The following ACTN4 variants were observed in gnomAD, a reference collection of about 807,000 sequenced individuals.
The protein encoded by ACTN4 is alpha-actinin-4.
ACTN4 carries 18 observed loss-of-function variants against 114.2 expected under a neutral mutation model. That is an observed-to-expected ratio of 0.16 (90% CI 0.11 to 0.23). The LOEUF is 0.23. ACTN4 is among the 10% of genes least tolerant of loss of function. The pLI is 1.00. For synonymous variants in ACTN4, 515 were observed against 506.3 expected, an observed-to-expected ratio of 1.02 and a Z score of -0.23; for missense variants, 722 against 1,262.9, an observed-to-expected ratio of 0.57 and a Z score of 6.49.
intron 1 of ACTN4, among the ~76,000 whole-genome samples, chr19:38,665,179 A>G (rs1025361788): frequency 3.9e-5 from 6 of 152,148 alleles, no homozygotes; most frequent in Non-Finnish European, 7.4e-5. Flanking sequence ...ACTGCCCAGA[A>G]CTAGGAGGTA....
In ACTN4 at chr19:38,701,078, T is replaced by A; in HGVS notation, c.354T>A (p.Phe118Leu). ...ACAATGTGAACAAAGCGCTGGACTT[T>A]ATTGCCAGCAAAGGCGTCAAGCTGG... ...KINNVNKALD[F>L]IASKGVKLVS... is the part of the protein sequence containing the mutation. The change falls in exon 3 of 21, where the codon TTT becomes TTA. Residue 118 changes from phenylalanine to leucine, a missense_variant. Physicochemically the swap from Phe to Leu is conservative, Grantham distance 22. This residue lies in a region of ACTN4 where 127 missense variants were observed against 311.3 expected (regional missense o/e 0.41). Coordinates refer to ENST00000252699, the MANE Select transcript of ACTN4 (RefSeq NM_004924.6). 1 of 1,614,112 alleles carries A rather than the reference T, an allele frequency of 6.2e-7. No homozygotes were observed.
chr19:38,649,933 C>T (rs1222106722), intron 1 of ACTN4, among the ~76,000 whole-genome samples: 2 of 152,106 alleles, frequency 1.3e-5, no homozygotes, highest in African/African-American at 2.4e-5. Context: ...TGTCCTTATC[C>T]GTGGCCCCAC....
intron 1 of ACTN4, among the ~76,000 whole-genome samples, chr19:38,667,919 C>T (rs1227079001): frequency 6.6e-6 from 1 of 152,118 alleles, no homozygotes; most frequent in Non-Finnish European, 1.5e-5. Flanking sequence ...TCAAAGCAGC[C>T]CTGCGTGAAG....
In ACTN4 at chr19:38,728,920, G is replaced by T. The variant is rs12974733; in HGVS notation, c.2419-76G>T. The T allele has an allele frequency of 0.065, 102,532 of 1,579,668 alleles. 3,677 individuals are homozygous for T. Among genetic ancestry groups the T allele is most frequent in the South Asian group, 0.1 (9,108 of 90,130 alleles). On this transcript the variant is annotated intron_variant, in intron 19 of 20. Transcript: ENST00000252699. The stretch of plus-strand genomic sequence containing the variant: ...CTACTCTCTCGGCTGTTTCCCTGGA[G>T]ACCCCACCAGTGTGGGCCTGGCTGC...
intron 1 of ACTN4, among the ~76,000 whole-genome samples, chr19:38,694,254 C>G (rs1176106108): frequency 6.7e-6 from 1 of 148,700 alleles, no homozygotes; most frequent in East Asian, 1.9e-4. Context: ...CAAGGGTGGG[C>G]TGGGGCCTTC....
intron 1 of ACTN4, among the ~76,000 whole-genome samples, chr19:38,698,912 A>G (rs1350217671): frequency 1.3e-5 from 2 of 152,216 alleles, no homozygotes; most frequent in African/African-American, 2.4e-5. Flanking sequence ...GACAGTTGTC[A>G]AAACACATGG....
intron 7 of ACTN4, 104 bp from the exon 8 acceptor site, chr19:38,710,141 ACTCTGCAGGTCC>A: frequency 9.4e-7 from 1 of 1,058,452 alleles, no homozygotes; most frequent in South Asian, 1.3e-5. Flanking sequence ...GTCACGCGTC[ACTCTGCAGGTCC>A]CTCTCCCCCA....
intron 1 of ACTN4, among the ~76,000 whole-genome samples, chr19:38,652,343 C>T (rs1442316971): frequency 6.6e-6 from 1 of 152,144 alleles, no homozygotes; most frequent in East Asian, 1.9e-4. Flanking sequence ...TCATCCTCTC[C>T]AGAATGTATT....
intron 1 of ACTN4, among the ~76,000 whole-genome samples, chr19:38,680,009 T>G (rs1967504906): frequency 6.6e-6 from 1 of 152,034 alleles, no homozygotes; most frequent in Non-Finnish European, 1.5e-5. Context: ...CTGAAGGAAC[T>G]TACCCCCTCC....
intron 19 of ACTN4, 32 bp from the exon 20 acceptor site, chr19:38,728,964 C>T (rs201885491): frequency 2.9e-5 from 46 of 1,611,506 alleles, no homozygotes; most frequent in South Asian, 2.1e-4. Context: ...CACTAAATGT[C>T]GGGTGTCCCC....
chr19:38,689,774 A>G (rs1197485330), intron 1 of ACTN4, among the ~76,000 whole-genome samples: 1 of 152,060 alleles, frequency 6.6e-6, no homozygotes, highest in Admixed American at 6.5e-5. Context: ...CCCGGGTTCA[A>G]GCGATTCTCC....
rs915897312 is a variant in ACTN4, at chr19:38,730,664, G to A, written c.*1232G>A. The A allele has an allele frequency of 2.0e-5, 13 of 664,544 alleles. No individual in the cohort carries two copies. The highest frequency in any genetic ancestry group is 3.6e-5 in the African/African-American group (2 of 55,904). 41.2% of individuals were successfully genotyped at this position (664,544 alleles called of 1,614,324 possible). On this transcript the variant is annotated 3_prime_UTR_variant, in exon 21 of 21. Coordinates refer to ENST00000252699, the MANE Select transcript of ACTN4 (RefSeq NM_004924.6). Reference sequence around the variant, plus strand: ...TGTCATCTGCTCGAGAAGGGCTGTCGCTGTTCTTGTTTCTGAGTGAGGAGT... The same window carrying A: ...TGTCATCTGCTCGAGAAGGGCTGTCACTGTTCTTGTTTCTGAGTGAGGAGT...
chr19:38,693,824 G>A (rs918039246), intron 1 of ACTN4, among the ~76,000 whole-genome samples: 1 of 152,186 alleles, frequency 6.6e-6, no homozygotes, highest in Non-Finnish European at 1.5e-5. Context: ...AACTGCTCTT[G>A]GGGCCCCCTG....
At chr19:38,687,613 C>T (rs946653736) in intron 1 of ACTN4, among the ~76,000 whole-genome samples, 7 of 152,208 alleles carry the variant, frequency 4.6e-5, no homozygotes, top group Non-Finnish European at 1.0e-4. Flanking sequence ...CTTTACCTCA[C>T]ACCATATACA....
At chr19:38,702,349 C>A (rs1057463435) in intron 3 of ACTN4, among the ~76,000 whole-genome samples, 1 of 152,192 alleles carries the variant, frequency 6.6e-6, no homozygotes, top group Admixed American at 6.5e-5. Flanking sequence ...ACCTGAGAAC[C>A]CCGCCCCACC....
intron 8 of ACTN4, among the ~76,000 whole-genome samples, chr19:38,712,745 A>G (rs1215318058): frequency 6.6e-6 from 1 of 151,796 alleles, no homozygotes; most frequent in Admixed American, 6.6e-5. Context: ...TTGCCATTGG[A>G]CTCACCCCTA....
Position 38,730,845 on chromosome 19 carries a change from G to A in ACTN4, c.*1413G>A, listed in dbSNP as rs778223713. On this transcript the variant is annotated 3_prime_UTR_variant, in exon 21 of 21. Transcript: ENST00000252699. ...CCCTGAGCAGCAGGTGCGCCCATCCGGAGATCCTAGGAGAAGGTGGCCACC... is the reference window on the plus strand; with the variant it reads ...CCCTGAGCAGCAGGTGCGCCCATCCAGAGATCCTAGGAGAAGGTGGCCACC... 6.4e-5 allele frequency: 100 copies of A among 1,550,922 alleles called. No homozygotes were observed. The highest frequency in any genetic ancestry group is 1.7e-4 in the Middle Eastern group (1 of 6,014).
intron 12 of ACTN4, among the ~76,000 whole-genome samples, chr19:38,722,411 C>T (rs918676174): frequency 2.0e-5 from 3 of 152,226 alleles, no homozygotes; most frequent in Non-Finnish European, 2.9e-5. Context: ...ACCCCCACCC[C>T]ACCACAGTCA....
At chr19:38,697,216 G>A (rs1280932943) in intron 1 of ACTN4, among the ~76,000 whole-genome samples, 2 of 152,340 alleles carry the variant, frequency 1.3e-5, no homozygotes, top group East Asian at 1.9e-4. Context: ...GAACCCAAGC[G>A]GCGAGGTTTG....
Sources: allele counts gnomAD v4.1 joint callset (sites outside exome capture counted in the v4.1 genomes callset), GRCh38; gene constraint gnomAD v4.1.1; regional missense constraint gnomAD v4.1.1; transcripts MANE v1.5; gene names NCBI Gene and HGNC (gene_info 2026-07-23, HGNC 2026-07-21).